The following PIGQ variants were observed in gnomAD, a reference collection of about 807,000 sequenced individuals.
The protein encoded by PIGQ is phosphatidylinositol glycan anchor biosynthesis class Q.
A neutral mutation model predicts 60.3 loss-of-function variants in PIGQ; 54 were observed. The observed-to-expected ratio is 0.90, with a 90% CI of 0.72 to 1.12. PIGQ has a LOEUF of 1.12. Ranked by LOEUF, PIGQ falls within the 50% of genes most tolerant of loss-of-function variation. PIGQ has a pLI of 0.00. For synonymous variants in PIGQ, 416 were observed against 363.7 expected (o/e 1.14, Z -1.64); for missense variants, 799 against 793.5 (o/e 1.01, Z -0.08).
Position 582,979 on chromosome 16 carries a change from C to G in PIGQ, c.1690C>G (p.Leu564Val), listed in dbSNP as rs2035837174. 9.3e-6 allele frequency: 15 copies of G among 1,613,018 alleles called. No individual in the cohort carries two copies. The highest frequency in any genetic ancestry group is 1.3e-5 in the Non-Finnish European group (15 of 1,179,990). Residue 564 changes from leucine (L) to valine (V), a missense_variant, in exon 11 of 11, where the codon CTG becomes GTG. Transcript: ENST00000321878. The stretch of plus-strand genomic sequence containing the variant: ...CTCCTGGGGCGCCCTGTGCCGCAAG[C>G]TGTTCCTTGGGGAGCTCATCTACCC... ...KHSWGALCRK[L>V]FLGELIYPWR...
Position 577,610 on chromosome 16 carries a change from C to T in PIGQ, c.943-769C>T, listed in dbSNP as rs2035742154. Among the ~76,000 whole-genome samples the T allele has an allele frequency of 2.0e-5, 3 of 151,572 alleles. No individual in the cohort carries two copies. The South Asian group carries it at 6.2e-4, about 32-fold the overall frequency. On this transcript the variant is annotated intron_variant, in intron 4 of 10. Transcript: ENST00000321878. Reference sequence around the variant, plus strand: ...AAAAAAAAAAAAGTGTTCTTTTCTCCTTCTTGCCAGTCCTGCTGTGGCTGA... The same window carrying T: ...AAAAAAAAAAAAGTGTTCTTTTCTCTTTCTTGCCAGTCCTGCTGTGGCTGA...
In PIGQ at chr16:575,923, G is replaced by A. The variant is rs910986299; in HGVS notation, c.774G>A (p.Thr258=). 3 of 1,582,200 alleles carry A rather than the reference G, an allele frequency of 1.9e-6. No individual in the cohort carries two copies. Among genetic ancestry groups the A allele is most frequent in the Non-Finnish European group, 1.7e-6 (2 of 1,164,110 alleles). ...EQLRHRLEHL[T]LIFSTRKAEN... Reference sequence around the variant, plus strand: ...TCCGGCACCGGCTGGAGCACCTCACGCTAATCTTCAGTACACGGAAGGCGG... The same window carrying A: ...TCCGGCACCGGCTGGAGCACCTCACACTAATCTTCAGTACACGGAAGGCGG... The change falls in exon 3 of 11, where the codon ACG becomes ACA. Residue 258 remains threonine (T), a synonymous_variant. Coordinates refer to ENST00000321878, the MANE Select transcript of PIGQ (RefSeq NM_004204.5).
In PIGQ at chr16:574,647, G is replaced by A. The variant is rs777480754; in HGVS notation, c.573G>A (p.Trp191Ter). The A allele has an allele frequency of 6.2e-7, 1 of 1,607,860 alleles. No homozygotes were observed. Among genetic ancestry groups the A allele is most frequent in the Admixed American group, 1.7e-5 (1 of 59,756 alleles). ...AGGGCCCCGTGCGGCTGAGCCACTGGCAGTCGGAGGGCGTGGAGGCCAGCA... is the reference window on the plus strand; with the variant it reads ...AGGGCCCCGTGCGGCTGAGCCACTGACAGTCGGAGGGCGTGGAGGCCAGCA... Reference protein sequence around the residue: ...FDEGPVRLSHWQSEGVEASIL... With the variant: ...FDEGPVRLSH Residue 191 changes from tryptophan (W) to a stop codon, truncating the protein, a stop_gained, in exon 2 of 11, where the codon TGG becomes TGA. Transcript: ENST00000321878. LOFTEE classifies it high-confidence loss of function.
chr16:581,321 C>A, intron 9 of PIGQ: 1 of 1,261,014 alleles, frequency 7.9e-7, no homozygotes. Context: ...CACTAGGAGC[C>A]AGCAGGGCGG....
At chr16:582,533 T>G in intron 10 of PIGQ, 1 of 574,026 alleles carries the variant, frequency 1.7e-6, no homozygotes, top group South Asian at 2.4e-5. Flanking sequence ...TTCTGCCCTG[T>G]GTCGGAGGCG....
At chr16:580,486 C>T (rs1253350640) in intron 8 of PIGQ, 11 of 549,904 alleles carry the variant, frequency 2.0e-5, no homozygotes, top group Admixed American at 6.2e-5. Flanking sequence ...CAGCTGGGTG[C>T]GTGGTGGAAG....
At chr16:582,821 T>C in intron 10 of PIGQ, 62 bp from the exon 11 acceptor site, 1 of 1,277,526 alleles carries the variant, frequency 7.8e-7, no homozygotes, top group African/African-American at 1.5e-5. Flanking sequence ...GCCCCCACCC[T>C]CTCTCTGCAG....
intron 8 of PIGQ, 43 bp downstream of exon 8, chr16:580,306 G>A (rs1479283436): frequency 6.8e-7 from 1 of 1,467,078 alleles, no homozygotes; most frequent in Non-Finnish European, 9.4e-7. Flanking sequence ...GCAGTGCTCT[G>A]TGTGGCTTCT....
intron 4 of PIGQ, chr16:576,674 C>T: frequency 6.8e-6 from 3 of 440,238 alleles, no homozygotes; most frequent in Non-Finnish European, 8.0e-6. Flanking sequence ...ACTTCCTGCC[C>T]TGCCCCTGTG....
At chr16:581,207 C>G (rs2035804260) in intron 9 of PIGQ, 2 of 1,428,892 alleles carry the variant, frequency 1.4e-6, no homozygotes, top group Non-Finnish European at 1.9e-6. Context: ...AGGTTCAGAA[C>G]CCTGGAGACC....
At chr16:582,179 T>G in intron 9 of PIGQ, 69 bp from the exon 10 acceptor site, 1 of 1,150,144 alleles carries the variant, frequency 8.7e-7, no homozygotes, top group Non-Finnish European at 1.3e-6. Context: ...GGAAGGTACC[T>G]GCAGCCTCTG....
At chr16:578,098 A>G (rs931272331) in intron 4 of PIGQ, 123 of 340,718 alleles carry the variant, frequency 3.6e-4, no homozygotes, top group Admixed American at 3.3e-3. Context: ...AGAGGGGAGG[A>G]AGATGGTAGA....
chr16:576,697 C>A, intron 4 of PIGQ: 4 of 421,114 alleles, frequency 9.5e-6, no homozygotes, highest in Non-Finnish European at 1.7e-5. Context: ...GATTCTGTAA[C>A]TCCTGTGCTG....
chr16:580,302 C>T, intron 8 of PIGQ, 39 bp downstream of exon 8: 1 of 1,476,328 alleles, frequency 6.8e-7, no homozygotes, highest in Non-Finnish European at 9.4e-7. Flanking sequence ...GGCTGCAGTG[C>T]TCTGTGTGGC....
At position 583,010 on chromosome 16, in the gene PIGQ, GGCAGAGAGGGGACAA is replaced by G; in HGVS notation, c.1726_1740del (p.Arg576_Gln580del). ...CTTGGGGAGCTCATCTACCCCTGGA[GGCAGAGAGGGGACAA>G]GCAGGACTGAGGGAACTGCTGGCTC... On this transcript the variant is annotated inframe_deletion, in exon 11 of 11. Coordinates refer to ENST00000321878, the MANE Select transcript of PIGQ (RefSeq NM_004204.5). 1 of 1,613,140 alleles carries G rather than the reference GGCAGAGAGGGGACAA, an allele frequency of 6.2e-7. No individual in the cohort carries two copies. Among genetic ancestry groups the G allele is most frequent in the South Asian group, 1.1e-5 (1 of 91,086 alleles).
At chr16:572,503 G>C in intron 1 of PIGQ, 1 of 456,202 alleles carries the variant, frequency 2.2e-6, no homozygotes, top group Non-Finnish European at 4.4e-6. Flanking sequence ...TCCAAGCTTC[G>C]GGAGAGGACT....
At chr16:573,040 C>G (rs996653176) in intron 1 of PIGQ, among the ~76,000 whole-genome samples, 1 of 152,242 alleles carries the variant, frequency 6.6e-6, no homozygotes, top group Admixed American at 6.5e-5. Context: ...CTAGGGAGTC[C>G]TCCTGCCCTG....
chr16:582,362 C>T lies in PIGQ; in HGVS notation c.1593+53C>T, dbSNP rs569702781. 5.4e-5 allele frequency: 73 copies of T among 1,352,902 alleles called. No homozygotes were observed. In the East Asian group the frequency reaches 8.2e-4, roughly 15 times the overall value. The allele number at this position is 1,352,902 out of a possible 1,614,324, so 83.8% of individuals were successfully genotyped here. A position where few individuals can be genotyped will look rare whatever the true frequency, so the allele number is the denominator to read the frequency against. ...CTACGCTGCTGCCCCTGTTCTGGGA[C>T]GGTGGGGTCAGCTGGGTGTAGTGTC... On this transcript the variant is annotated intron_variant, in intron 10 of 10. Coordinates refer to ENST00000321878, the MANE Select transcript of PIGQ (RefSeq NM_004204.5).
Position 579,003 on chromosome 16 carries a change from GTTC to G in PIGQ, c.1224-65_1224-63del. 6 of 1,461,580 alleles carry G rather than the reference GTTC, an allele frequency of 4.1e-6. No homozygotes were observed. In the South Asian group the frequency reaches 7.0e-5, roughly 17 times the overall value. The allele number at this position is 1,461,580 out of a possible 1,614,324, so 90.5% of individuals were successfully genotyped here. On this transcript the variant is annotated intron_variant, in intron 6 of 10. Coordinates refer to ENST00000321878, the MANE Select transcript of PIGQ (RefSeq NM_004204.5). ...GTGCAGAGGCTCCGGCTGGGCGGGC[GTTC>G]GAGTGGGGCGGGGGCGGGGCGGGGC...
Sources: allele counts gnomAD v4.1 joint callset (sites outside exome capture counted in the v4.1 genomes callset), GRCh38; gene constraint gnomAD v4.1.1; transcripts MANE v1.5; gene names NCBI Gene and HGNC (gene_info 2026-07-23, HGNC 2026-07-21).